Variants in ZNF227 observed in about 807,000 individuals in gnomAD.
ZNF227 encodes the protein zinc finger protein 227.
A neutral mutation model predicts 13.2 loss-of-function variants in ZNF227; 12 were observed. The observed-to-expected ratio is 0.91, with a 90% CI of 0.58 to 1.47. The LOEUF (loss-of-function observed/expected upper bound fraction) is 1.47. ZNF227 is among the 40% of genes most tolerant of loss of function. The pLI, the probability that ZNF227 is intolerant of heterozygous loss-of-function variation, is 0.00. For missense variants in ZNF227, 885 were observed against 967.5 expected, an observed-to-expected ratio of 0.91 and a Z score of 1.13; for synonymous variants, 338 against 326.0, an observed-to-expected ratio of 1.04 and a Z score of -0.40.
intron 5 of ZNF227, among the ~76,000 whole-genome samples, chr19:44,231,395 G>A (rs553136522): frequency 6.6e-6 from 1 of 151,980 alleles, no homozygotes; most frequent in Admixed American, 6.6e-5. Flanking sequence ...GAGTGCAGTG[G>A]CATGATCTTG....
At chr19:44,212,425 TC>T (rs1369168193), upstream of ZNF227, 1 of 151,392 alleles carries the variant, frequency 6.6e-6, no homozygotes, top group African/African-American at 2.4e-5. Context: ...GGATGGTTTT[TC>T]CTTCTGGAAG....
In ZNF227 at chr19:44,236,875, A is replaced by T; in HGVS notation, c.*45A>T. Reference sequence around the variant, plus strand: ...AACTTTTGTCTGAATGCACATCTTCAAGTTTTTGGCTAGTCCATGCTGGTG... The same window carrying T: ...AACTTTTGTCTGAATGCACATCTTCTAGTTTTTGGCTAGTCCATGCTGGTG... On this transcript the variant is annotated 3_prime_UTR_variant, in exon 6 of 6. Coordinates refer to ENST00000313040, the MANE Select transcript of ZNF227 (RefSeq NM_182490.3). 1 of 1,504,126 alleles carries T rather than the reference A, an allele frequency of 6.6e-7. No individual in the cohort carries two copies. The highest frequency in any genetic ancestry group is 1.3e-5 in the South Asian group (1 of 74,530). 93.2% of individuals were successfully genotyped at this position (1,504,126 alleles called of 1,614,324 possible). A position where few individuals can be genotyped will look rare whatever the true frequency, so the allele number is the denominator to read the frequency against.
intron 5 of ZNF227, among the ~76,000 whole-genome samples, chr19:44,231,161 C>T (rs544927242): frequency 2.6e-5 from 4 of 151,100 alleles, no homozygotes; most frequent in Admixed American, 6.6e-5. Context: ...GTCACCTAGG[C>T]TGGAAAGCAG....
Position 44,234,740 on chromosome 19 carries a change from T to G in ZNF227, c.310T>G (p.Phe104Val). The change falls in exon 6 of 6, where the codon TTT becomes GTT. Residue 104 changes from phenylalanine (F) to valine (V), a missense_variant. Phe to Val is a conservative substitution (Grantham distance 50). Transcript: ENST00000313040. ...AAATAAGATGGAAACACTCCAAAAATTTGCATTAAAATACCTTTCAAATCA... is the reference window on the plus strand; with the variant it reads ...AAATAAGATGGAAACACTCCAAAAAGTTGCATTAAAATACCTTTCAAATCA... The part of the protein sequence containing the change: ...HQNKMETLQK[F>V]ALKYLSNQEL... 1 of 1,598,506 alleles carries G rather than the reference T, an allele frequency of 6.3e-7. No homozygotes were observed. The highest frequency in any genetic ancestry group is 1.7e-4 in the Middle Eastern group (1 of 5,972).
rs115121913 is a variant in ZNF227, at chr19:44,236,964, A to T, written c.*134A>T. On this transcript the variant is annotated 3_prime_UTR_variant, in exon 6 of 6. Coordinates refer to ENST00000313040, the MANE Select transcript of ZNF227 (RefSeq NM_182490.3). ...GTTCACACTTGGAATCTTTCTAACA[A>T]ATCCATCAAGATGATAACACAGAAC... is the stretch of plus-strand genomic sequence containing the variant. The T allele has an allele frequency of 2.9e-6, 2 of 689,344 alleles. No individual in the cohort carries two copies. Among genetic ancestry groups the T allele is most frequent in the Non-Finnish European group, 4.7e-6 (2 of 423,876 alleles). The allele number at this position is 689,344 out of a possible 1,614,324, so 42.7% of individuals were successfully genotyped here. A position where few individuals can be genotyped will look rare whatever the true frequency, so the allele number is the denominator to read the frequency against.
Position 44,236,315 on chromosome 19 carries a change from G to T in ZNF227, c.1885G>T (p.Glu629Ter), listed in dbSNP as rs1415960353. Residue 629 changes from glutamate (E) to a stop codon, truncating the protein, a stop_gained, in exon 6 of 6, where the codon GAG becomes TAG. Coordinates refer to ENST00000313040, the MANE Select transcript of ZNF227 (RefSeq NM_182490.3). LOFTEE classifies it low-confidence loss of function (END_TRUNC). The stretch of plus-strand genomic sequence containing the variant: ...GGTACATCAGAGAGTCCATACTGGA[G>T]AGAAGCCATACAAATGTGGTGTCTG... ...FRVHQRVHTGEKPYKCGVCGK... is the reference protein window; with the variant it reads ...FRVHQRVHTG The T allele has an allele frequency of 5.0e-6, 8 of 1,613,844 alleles. No individual in the cohort carries two copies. The Admixed American group carries it at 1.2e-4, about 24-fold the overall frequency.
chr19:44,231,524 G>T (rs905884138), intron 5 of ZNF227, among the ~76,000 whole-genome samples: 1 of 152,022 alleles, frequency 6.6e-6, no homozygotes, highest in African/African-American at 2.4e-5. Flanking sequence ...GTAGAGATGG[G>T]GTTTCACCAT....
intron 5 of ZNF227, among the ~76,000 whole-genome samples, chr19:44,230,926 A>ATAT (rs1315206035): frequency 2.5e-4 from 17 of 68,108 alleles, no homozygotes; most frequent in East Asian, 8.0e-4. Flanking sequence ...AAAAAAAAAA[A>ATAT]ATATATATAT....
rs778273302 is a variant in ZNF227, at chr19:44,236,106, A to G, written c.1676A>G (p.Tyr559Cys). The G allele has an allele frequency of 6.2e-7, 1 of 1,614,120 alleles. No homozygotes were observed. Among genetic ancestry groups the G allele is most frequent in the East Asian group, 2.2e-5 (1 of 44,886 alleles). Residue 559 changes from tyrosine (Y) to cysteine (C), a missense_variant, in exon 6 of 6, where the codon TAT (tyrosine) becomes TGT (cysteine). Transcript: ENST00000313040. The stretch of plus-strand genomic sequence containing the variant: ...GATGTGTGTGGTAAGGACTTCAGTT[A>G]TAGTTCAAATCTTAAACTACACCAA... ...RCDVCGKDFS[Y>C]SSNLKLHQVI... is the part of the protein sequence containing the mutation.
At chr19:44,232,730 CA>C (rs531423111) in intron 5 of ZNF227, among the ~76,000 whole-genome samples, 505 of 151,222 alleles carry the variant, frequency 3.3e-3, no homozygotes, top group Non-Finnish European at 5.7e-3. Flanking sequence ...TGCAGTGGTG[CA>C]ATCTTGGCTC....
chr19:44,222,175 A>G (rs1443322940), intron 3 of ZNF227, among the ~76,000 whole-genome samples: 2 of 151,852 alleles, frequency 1.3e-5, no homozygotes, highest in Middle Eastern at 3.4e-3. Context: ...GCCTTGTAGT[A>G]TAGTTTGAAG....
chr19:44,222,275 A>G (rs1054082957), intron 3 of ZNF227, among the ~76,000 whole-genome samples: 4 of 152,178 alleles, frequency 2.6e-5, no homozygotes, highest in Non-Finnish European at 5.9e-5. Flanking sequence ...TGAACTTTAC[A>G]GTAGTTTTTT....
chr19:44,221,656 A>C (rs1416535251), intron 3 of ZNF227, among the ~76,000 whole-genome samples: 1 of 152,060 alleles, frequency 6.6e-6, no homozygotes, highest in East Asian at 1.9e-4. Context: ...TAGATTCTGG[A>C]TATTAGCCCT....
upstream of ZNF227, chr19:44,207,871 G>A (rs1971246249): frequency 6.6e-6 from 1 of 152,124 alleles, no homozygotes; most frequent in Non-Finnish European, 1.5e-5. Context: ...ACTTACTAGT[G>A]TTATAACGTT....
At chr19:44,217,698 T>C in intron 2 of ZNF227, 93 bp from the exon 3 acceptor site, 1 of 1,334,442 alleles carries the variant, frequency 7.5e-7, no homozygotes, top group Non-Finnish European at 1.1e-6. Flanking sequence ...TGGCTATACC[T>C]GTCTGAATGT....
At chr19:44,225,760 A>AGAG (rs1209461753) in intron 3 of ZNF227, among the ~76,000 whole-genome samples, 1 of 152,144 alleles carries the variant, frequency 6.6e-6, no homozygotes, top group Admixed American at 6.6e-5. Context: ...GCCTTCTCTC[A>AGAG]ACTCGTCAAA....
At chr19:44,222,554 G>A (rs1234128984) in intron 3 of ZNF227, among the ~76,000 whole-genome samples, 1 of 151,372 alleles carries the variant, frequency 6.6e-6, no homozygotes, top group Non-Finnish European at 1.5e-5. Flanking sequence ...TCATGATTTG[G>A]CTCTCTGTTT....
intron 5 of ZNF227, among the ~76,000 whole-genome samples, chr19:44,232,664 G>GT (rs1234651990): frequency 6.7e-5 from 10 of 150,092 alleles, no homozygotes; most frequent in Non-Finnish European, 7.4e-5. Flanking sequence ...TAAATTGCTT[G>GT]TTTTTTTGTT....
Position 44,236,321 on chromosome 19 carries a change from C to T in ZNF227, c.1891C>T (p.Pro631Ser). Residue 631 changes from proline (P) to serine (S), a missense_variant, in exon 6 of 6, where the codon CCA becomes TCA. By Grantham distance (74) the Pro-to-Ser change is moderately conservative. Coordinates refer to ENST00000313040, the MANE Select transcript of ZNF227 (RefSeq NM_182490.3). ...VHQRVHTGEK[P>S]YKCGVCGKGF... ...TCAGAGAGTCCATACTGGAGAGAAG[C>T]CATACAAATGTGGTGTCTGTGGTAA... is the stretch of plus-strand genomic sequence containing the variant. 6.2e-7 allele frequency: 1 copy of T among 1,613,926 alleles called. No individual in the cohort carries two copies. Among genetic ancestry groups the T allele is most frequent in the Non-Finnish European group, 8.5e-7 (1 of 1,179,952 alleles).
Sources: gnomAD v4.1 joint callset for allele counts (sites outside exome capture counted in the v4.1 genomes callset) on GRCh38, gnomAD v4.1.1 for gene constraint, MANE v1.5 for transcripts, NCBI Gene and HGNC (gene_info 2026-07-23, HGNC 2026-07-21) for gene names.